The following OR1L8 variants were observed in gnomAD, a reference collection of about 807,000 sequenced individuals.
OR1L8 encodes the protein olfactory receptor 1L8.
For missense variants in OR1L8, 330 were observed against 377.4 expected, an observed-to-expected ratio of 0.87 and a Z score of 1.04; for synonymous variants, 148 against 147.0, an observed-to-expected ratio of 1.01 and a Z score of -0.05.
chr9:122,559,057 A>G, the OR1L8 span, among the ~76,000 whole-genome samples: 1 of 152,080 alleles, frequency 6.6e-6, no homozygotes, highest in Non-Finnish European at 1.5e-5. Flanking sequence ...AGGTGAGAAC[A>G]TTCACAATCC....
the OR1L8 span, among the ~76,000 whole-genome samples, chr9:122,552,741 A>G: frequency 7.3e-6 from 1 of 137,182 alleles, no homozygotes; most frequent in African/African-American, 2.7e-5. Flanking sequence ...CCCCACAAAG[A>G]GGGCTTGAGT....
At chr9:122,565,044 C>G (rs1488938869), downstream of OR1L8, among the ~76,000 whole-genome samples, 1 of 152,158 alleles carries the variant, frequency 6.6e-6, no homozygotes, top group Non-Finnish European at 1.5e-5. Flanking sequence ...CTTATACTTC[C>G]TCGTGAAATT....
Position 122,568,675 on chromosome 9 carries a change from G to T in OR1L8, c.-198C>A. 2.0e-6 allele frequency: 1 copy of T among 505,990 alleles called. No individual in the cohort carries two copies. The highest frequency in any genetic ancestry group is 3.5e-6 in the Non-Finnish European group (1 of 289,538). The allele number at this position is 505,990 out of a possible 1,614,324, so 31.3% of individuals were successfully genotyped here. On this transcript the variant is annotated 5_prime_UTR_variant, in exon 5 of 5. Transcript: ENST00000641027. ...TCCCAAATCTATGGGCTCCATAAGG[G>T]CATTATATTGAAATCTGGAGGGACA...
Position 122,567,479 on chromosome 9 carries a change from C to A in OR1L8, c.*69G>T. 8.2e-7 allele frequency: 1 copy of A among 1,218,932 alleles called. No individual in the cohort carries two copies. The highest frequency in any genetic ancestry group is 2.3e-5 in the Admixed American group (1 of 44,202). The allele number at this position is 1,218,932 out of a possible 1,614,324, so 75.5% of individuals were successfully genotyped here. A position where few individuals can be genotyped will look rare whatever the true frequency, so the allele number is the denominator to read the frequency against. On this transcript the variant is annotated 3_prime_UTR_variant, in exon 5 of 5. Transcript: ENST00000641027. ...AGCTTCCAACAGCTTTGACTGTTCACCAGAAACCAGTAGAAAACACGTCCA... is the reference window on the plus strand; with the variant it reads ...AGCTTCCAACAGCTTTGACTGTTCAACAGAAACCAGTAGAAAACACGTCCA...
At chr9:122,547,955 T>C in the OR1L8 span, among the ~76,000 whole-genome samples, 4 of 152,174 alleles carry the variant, frequency 2.6e-5, no homozygotes, top group African/African-American at 9.7e-5. Flanking sequence ...CCAACATCTA[T>C]TATTTTTTGA....
chr9:122,546,820 AT>A, the OR1L8 span, among the ~76,000 whole-genome samples: 1 of 152,166 alleles, frequency 6.6e-6, no homozygotes, highest in Non-Finnish European at 1.5e-5. Context: ...TTTTAAACCT[AT>A]TTTTTAATGG....
At chr9:122,553,862 C>T in the OR1L8 span, 195 of 1,613,940 alleles carry the variant, frequency 1.2e-4, no homozygotes, top group Non-Finnish European at 1.1e-4. Context: ...TCCTGCTGAT[C>T]GTCTTCTCCT....
chr9:122,577,118 A>G (rs1022584090), intron 2 of OR1L8, among the ~76,000 whole-genome samples: 3 of 152,228 alleles, frequency 2.0e-5, no homozygotes, highest in Non-Finnish European at 4.4e-5. Context: ...ATATGCTTCT[A>G]GGAAATAAAT....
At chr9:122,566,317 G>A (rs1321532422), downstream of OR1L8, among the ~76,000 whole-genome samples, 1 of 152,112 alleles carries the variant, frequency 6.6e-6, no homozygotes, top group African/African-American at 2.4e-5. Context: ...GGCAATAAAT[G>A]TTTATTTGAA....
the OR1L8 span, among the ~76,000 whole-genome samples, chr9:122,548,672 C>T: frequency 1.4e-4 from 21 of 151,210 alleles, no homozygotes; most frequent in Non-Finnish European, 2.4e-4. Context: ...TATGCATGTC[C>T]CATGTTGGTG....
At chr9:122,572,704 T>C (rs1451430962) in intron 4 of OR1L8, 76 bp downstream of exon 4, 2 of 152,160 alleles carry the variant, frequency 1.3e-5, no homozygotes, top group Non-Finnish European at 2.9e-5. Context: ...TCATGAAATA[T>C]TTGAAACTTT....
At chr9:122,555,988 A>G in the OR1L8 span, among the ~76,000 whole-genome samples, 1 of 152,328 alleles carries the variant, frequency 6.6e-6, no homozygotes, top group African/African-American at 2.4e-5. Flanking sequence ...ATCATACAGA[A>G]TAGTTTCACT....
chr9:122,552,480 G>A, the OR1L8 span, among the ~76,000 whole-genome samples: 1 of 152,158 alleles, frequency 6.6e-6, no homozygotes, highest in East Asian at 1.9e-4. Flanking sequence ...GAAGAGGACA[G>A]GGATAAAGGA....
At chr9:122,552,782 G>A in the OR1L8 span, among the ~76,000 whole-genome samples, 1 of 125,324 alleles carries the variant, frequency 8.0e-6, no homozygotes. Flanking sequence ...GTGTGTGTGT[G>A]TGTGTGTGTG....
chr9:122,563,217 C>A (rs187222117), downstream of OR1L8, among the ~76,000 whole-genome samples: 153 of 150,636 alleles, frequency 1.0e-3, no homozygotes, highest in Admixed American at 8.2e-3. Context: ...AATAGCCATT[C>A]TAACTGGGAT....
chr9:122,548,518 A>G, the OR1L8 span, among the ~76,000 whole-genome samples: 1 of 152,244 alleles, frequency 6.6e-6, no homozygotes, highest in East Asian at 1.9e-4. Context: ...AAAGTGACTC[A>G]TTAGGAGATG....
intron 4 of OR1L8, 49 bp from the exon 5 acceptor site, chr9:122,568,738 C>T (rs1335199750): frequency 8.1e-6 from 3 of 371,650 alleles, no homozygotes; most frequent in Non-Finnish European, 4.8e-6. Context: ...CAGAAGTGGA[C>T]TCCTCTAATT....
At position 122,568,552 on chromosome 9, in the gene OR1L8, C is replaced by T. The variant is rs1829482108; in HGVS notation, c.-75G>A. ...GATTTCATAACACCAATCATGAGAA[C>T]CTAGCAAGTCTTTGTTTCTTCTGTT... On this transcript the variant is annotated 5_prime_UTR_variant, in exon 5 of 5. Transcript: ENST00000641027. 1.2e-6 allele frequency: 1 copy of T among 856,666 alleles called. No homozygotes were observed. Among genetic ancestry groups the T allele is most frequent in the Non-Finnish European group, 1.8e-6 (1 of 547,090 alleles). The allele number at this position is 856,666 out of a possible 1,614,324, so 53.1% of individuals were successfully genotyped here. A position where few individuals can be genotyped will look rare whatever the true frequency, so the allele number is the denominator to read the frequency against.
chr9:122,563,184 AT>A (rs61467780), downstream of OR1L8, among the ~76,000 whole-genome samples: 46,505 of 149,320 alleles, frequency 0.31, 8,010 homozygotes, highest in East Asian at 0.81. Flanking sequence ...AGCATTTGTT[AT>A]TTTTTTTTTT....
Sources: allele counts gnomAD v4.1 joint callset (sites outside exome capture counted in the v4.1 genomes callset), GRCh38; gene constraint gnomAD v4.1.1; transcripts MANE v1.5; gene names NCBI Gene and HGNC (gene_info 2026-07-23, HGNC 2026-07-21).